The following IRGM variants were observed in gnomAD, a reference collection of about 807,000 sequenced individuals.
The protein encoded by IRGM is immunity related GTPase M.
For synonymous variants in IRGM, 98 were observed against 80.6 expected (o/e 1.22, Z -1.16); for missense variants, 288 against 219.9 (o/e 1.31, Z -1.96).
At chr5:150,883,810 T>C (rs975747095) in intron 3 of IRGM, among the ~76,000 whole-genome samples, 3 of 152,076 alleles carry the variant, frequency 2.0e-5, no homozygotes, top group African/African-American at 4.8e-5. Context: ...CTACAAAGTA[T>C]GTAAAGAAAT....
intron 3 of IRGM, chr5:150,897,240 T>C: frequency 2.9e-6 from 1 of 341,928 alleles, no homozygotes; most frequent in Non-Finnish European, 5.3e-6. Context: ...TCTTCTAGAA[T>C]ATTTCACTTC....
chr5:150,879,884 T>C (rs1448740317), intron 3 of IRGM, among the ~76,000 whole-genome samples: 1 of 152,166 alleles, frequency 6.6e-6, no homozygotes. Flanking sequence ...TGAAGCAGTA[T>C]ATTGTAAGAC....
rs148132991 is a variant in IRGM at position 150,896,590 on chromosome 5, C to T, written c.*141-3999C>T. 3,543 of 1,613,680 alleles carry T rather than the reference C, an allele frequency of 2.2e-3. 121 individuals carry two copies. The Admixed American group carries it at 0.051, about 23-fold the overall frequency. On this transcript the variant is annotated intron_variant and NMD_transcript_variant, in intron 3 of 3. Coordinates refer to the IRGM transcript ENST00000520549. ...CTCTGGCTAGATGATTTTCCACCTC[C>T]AAAACTCTGATCAGGTTTTTTTCTT...
chr5:150,854,080 C>T (rs1475516407), intron 1 of IRGM, among the ~76,000 whole-genome samples: 1 of 151,628 alleles, frequency 6.6e-6, no homozygotes, highest in Non-Finnish European at 1.5e-5. Flanking sequence ...CTTTTGTGTA[C>T]ATTTTGTGGA....
At chr5:150,859,843 G>C (rs1010853223) in intron 1 of IRGM, among the ~76,000 whole-genome samples, 1 of 151,582 alleles carries the variant, frequency 6.6e-6, no homozygotes, top group Non-Finnish European at 1.5e-5. Flanking sequence ...TCTTGCTAGC[G>C]GTCTATCAAT....
chr5:150,888,754 G>A lies in IRGM; in HGVS notation c.*140+9108G>A, dbSNP rs373765812. The stretch of plus-strand genomic sequence containing the variant: ...GAAGTTCTTTGAAACTAATGAAAAC[G>A]AAGATACAACATACCAGAATCTCTG... On this transcript the variant is annotated intron_variant and NMD_transcript_variant, in intron 3 of 3. Transcript: ENST00000520549. Among the ~76,000 whole-genome samples, 23 of 152,008 alleles carry A rather than the reference G, an allele frequency of 1.5e-4. No homozygotes were observed. In the East Asian group the frequency reaches 2.1e-3, roughly 14 times the overall value.
At chr5:150,896,069 A>G in intron 3 of IRGM, 1 of 1,613,214 alleles carries the variant, frequency 6.2e-7, no homozygotes, top group Non-Finnish European at 8.5e-7. Context: ...ACTTCTGGGA[A>G]AAGGCCTTCC....
At position 150,847,958 on chromosome 5, in the gene IRGM, C is replaced by T. The variant is rs1234462426; in HGVS notation, c.-166C>T. 2 of 598,448 alleles carry T rather than the reference C, an allele frequency of 3.3e-6. No homozygotes were observed. Among genetic ancestry groups the T allele is most frequent in the Non-Finnish European group, 5.9e-6 (2 of 340,938 alleles). The allele number at this position is 598,448 out of a possible 1,614,324, so 37.1% of individuals were successfully genotyped here. A position where few individuals can be genotyped will look rare whatever the true frequency, so the allele number is the denominator to read the frequency against. On this transcript the variant is annotated 5_prime_UTR_variant, in exon 2 of 2. Transcript: ENST00000522154. ...AGCTGGGACTACAGGCGCACACCAC[C>T]ACGCGCAGCTAATTTTTTTGTATTT...
At chr5:150,861,814 C>A (rs1467612589) in intron 1 of IRGM, among the ~76,000 whole-genome samples, 1 of 151,966 alleles carries the variant, frequency 6.6e-6, no homozygotes, top group Non-Finnish European at 1.5e-5. Flanking sequence ...TTGCAAATAT[C>A]CAGAAAAGTG....
intron 1 of IRGM, among the ~76,000 whole-genome samples, chr5:150,870,124 A>G (rs1238401603): frequency 6.6e-6 from 1 of 152,174 alleles, no homozygotes; most frequent in East Asian, 1.9e-4. Context: ...GTATACTTAC[A>G]TTGGTGCAAA....
At chr5:150,876,833 T>C (rs536011941) in intron 1 of IRGM, among the ~76,000 whole-genome samples, 3 of 152,350 alleles carry the variant, frequency 2.0e-5, no homozygotes, top group East Asian at 1.9e-4. Context: ...GCTACGACCA[T>C]GTGACCAGTT....
Position 150,877,885 on chromosome 5 carries a change from A to G in IRGM, c.159-95A>G, listed in dbSNP as rs1754387155. The G allele has an allele frequency of 1.9e-5, 8 of 416,508 alleles. 1 individual carries two copies. In the Admixed American group the frequency reaches 2.3e-4, roughly 12 times the overall value. The allele number at this position is 416,508 out of a possible 1,614,324, so 25.8% of individuals were successfully genotyped here. On this transcript the variant is annotated intron_variant and NMD_transcript_variant, in intron 1 of 3. Coordinates refer to the IRGM transcript ENST00000520549. ...GTTTGCATTTTTGCATAACTTAAAG[A>G]TTTCAGGTCATTGAATTTCATTTGC...
rs150785173 is a variant in IRGM at position 150,871,949 on chromosome 5, C to A, written c.159-6031C>A. ...ATACGATTGGTTTTCTCATACAATCCCATGATAGATTTTTGTAATTTTATG... is the reference window on the plus strand; with the variant it reads ...ATACGATTGGTTTTCTCATACAATCACATGATAGATTTTTGTAATTTTATG... On this transcript the variant is annotated intron_variant and NMD_transcript_variant, in intron 1 of 3. Transcript: ENST00000520549. 2.0e-5 allele frequency among the ~76,000 whole-genome samples: 3 copies of A among 152,190 alleles called. No individual in the cohort carries two copies. In the East Asian group the frequency reaches 5.8e-4, roughly 29 times the overall value.
rs1220597594 is a variant in IRGM at position 150,848,066 on chromosome 5, G to T, written c.-58G>T. The T allele has an allele frequency of 2.2e-6, 3 of 1,385,308 alleles. No homozygotes were observed. The Admixed American group carries it at 7.3e-5, about 34-fold the overall frequency. 85.8% of individuals were successfully genotyped at this position (1,385,308 alleles called of 1,614,324 possible). On this transcript the variant is annotated 5_prime_UTR_variant, in exon 2 of 2. Coordinates refer to ENST00000522154, the MANE Select transcript of IRGM (RefSeq NM_001145805.2). ...TCTGCTCGCCTCGGCCTTCCAAAGT[G>T]CTGGGATTACAGGCATGAGCCACGG...
chr5:150,898,528 A>C, intron 3 of IRGM: 3 of 1,612,580 alleles, frequency 1.9e-6, no homozygotes, highest in Non-Finnish European at 2.5e-6. Flanking sequence ...TGAAATCCAC[A>C]GCCACATCCT....
Position 150,882,325 on chromosome 5 carries a change from GAAC to G in IRGM, c.*140+2683_*140+2685del, listed in dbSNP as rs542968659. On this transcript the variant is annotated intron_variant and NMD_transcript_variant, in intron 3 of 3. Transcript: ENST00000520549. The stretch of plus-strand genomic sequence containing the variant: ...GGAAGAAAGGAACAAAGAATCTACA[GAAC>G]AACCAGAAAATAATAATAAAATGAT... Among the ~76,000 whole-genome samples, 330 of 151,844 alleles carry G rather than the reference GAAC, an allele frequency of 2.2e-3. 1 individual carries two copies. Among genetic ancestry groups the G allele is most frequent in the African/African-American group, 7.9e-3 (325 of 41,392 alleles).
chr5:150,875,070 A>T (rs1296851184), intron 1 of IRGM, among the ~76,000 whole-genome samples: 1 of 152,210 alleles, frequency 6.6e-6, no homozygotes, highest in Non-Finnish European at 1.5e-5. Context: ...CGTAAGTTAC[A>T]TGAGGAAGTG....
At chr5:150,856,970 G>A (rs926932930) in intron 1 of IRGM, among the ~76,000 whole-genome samples, 2 of 150,308 alleles carry the variant, frequency 1.3e-5, no homozygotes, top group Non-Finnish European at 3.0e-5. Flanking sequence ...TAGCGTACAT[G>A]TGCACAATGT....
intron 3 of IRGM, among the ~76,000 whole-genome samples, chr5:150,885,862 A>T (rs1045133184): frequency 6.6e-6 from 1 of 152,146 alleles, no homozygotes; most frequent in African/African-American, 2.4e-5. Flanking sequence ...ATCTGCAAAC[A>T]GAGATCGTTT....
Sources: allele counts gnomAD v4.1 joint callset (sites outside exome capture counted in the v4.1 genomes callset), GRCh38; gene constraint gnomAD v4.1.1; transcripts MANE v1.5; gene names NCBI Gene and HGNC (gene_info 2026-07-23, HGNC 2026-07-21).